Variants in BCL2 observed in about 807,000 individuals in gnomAD.
BCL2 encodes BCL2 apoptosis regulator, also known as apoptosis regulator Bcl-2.
A neutral mutation model predicts 14.2 loss-of-function variants in BCL2; 1 was observed. The ratio of observed to expected loss-of-function variants is 0.07; its 90% CI spans 0.02 to 0.33. BCL2 has a LOEUF of 0.33. Among genes scored for constraint, BCL2 ranks in the 10% least tolerant of loss-of-function variants. The pLI is 0.99. For missense variants in BCL2, 247 were observed against 305.9 expected, an observed-to-expected ratio of 0.81 and a Z score of 1.44; for synonymous variants, 151 against 137.2, an observed-to-expected ratio of 1.10 and a Z score of -0.70.
chr18:63,209,573 G>A (rs1006485575), intron 2 of BCL2, among the ~76,000 whole-genome samples: 1 of 152,144 alleles, frequency 6.6e-6, no homozygotes, highest in African/African-American at 2.4e-5. Context: ...AGTGGCGGAG[G>A]GAGAGGCAGA....
chr18:63,271,181 A>T lies in BCL2; in HGVS notation c.585+46901T>A, dbSNP rs141031215. On this transcript the variant is annotated intron_variant, in intron 2 of 2. Coordinates refer to ENST00000333681, the MANE Select transcript of BCL2 (RefSeq NM_000633.3). ...GGCCAAGATTGCTCTTTTTTAAAGC[A>T]AAAGAGATATATAGTTAAAGACATG... Among the ~76,000 whole-genome samples the T allele has an allele frequency of 4.9e-4, 74 of 152,336 alleles. No homozygotes were observed. In the East Asian group the frequency reaches 0.013, roughly 27 times the overall value.
intron 2 of BCL2, among the ~76,000 whole-genome samples, chr18:63,216,400 TA>T (rs35457535): frequency 0.11 from 15,347 of 134,832 alleles, 880 homozygotes; most frequent in South Asian, 0.18. Flanking sequence ...AAATGTTTTC[TA>T]AAAAAAAAAA....
chr18:63,212,326 T>C (rs931708497), intron 2 of BCL2, among the ~76,000 whole-genome samples: 28 of 151,150 alleles, frequency 1.9e-4, no homozygotes, highest in African/African-American at 6.8e-4. Context: ...AGACTCTGTC[T>C]CAAACAAACA....
chr18:63,228,741 G>T (rs1402248641), intron 2 of BCL2, among the ~76,000 whole-genome samples: 2 of 148,040 alleles, frequency 1.4e-5, no homozygotes, highest in African/African-American at 2.5e-5. Context: ...ACAGAATCTT[G>T]TTCTGCCGCC....
At chr18:63,300,074 G>A (rs914408317) in intron 2 of BCL2, among the ~76,000 whole-genome samples, 1 of 152,222 alleles carries the variant, frequency 6.6e-6, no homozygotes, top group Non-Finnish European at 1.5e-5. Context: ...AGGAGGCAGA[G>A]TTGAGGCTGC....
intron 2 of BCL2, among the ~76,000 whole-genome samples, chr18:63,288,905 G>T (rs867822754): frequency 6.6e-6 from 1 of 152,156 alleles, no homozygotes; most frequent in Non-Finnish European, 1.5e-5. Context: ...TTTAGGCAGG[G>T]ATCTTGTTTT....
chr18:63,266,433 G>A (rs1328063705), intron 2 of BCL2, among the ~76,000 whole-genome samples: 3 of 151,684 alleles, frequency 2.0e-5, no homozygotes, highest in Non-Finnish European at 4.4e-5. Context: ...CTGCTTTTGG[G>A]GAGAAGTGGG....
chr18:63,317,978 C>T (rs2144320448), intron 2 of BCL2, 104 bp downstream of exon 2: 3 of 1,497,224 alleles, frequency 2.0e-6, no homozygotes, highest in Non-Finnish European at 1.8e-6. Flanking sequence ...TTTTATTTCG[C>T]CGGCTCCACA....
Position 63,169,312 on chromosome 18 carries a change from C to CTTCTTTCCT in BCL2, c.586-40554_586-40553insAGGAAAGAA, listed in dbSNP as rs1568222490. On this transcript the variant is annotated intron_variant, in intron 2 of 2. Coordinates refer to ENST00000333681, the MANE Select transcript of BCL2 (RefSeq NM_000633.3). ...TCTTTCTTTCTTTCTTTCTTTCTTC[C>CTTCTTTCCT]TTCCTTCCTTCTTTCCTTTCCTTCC... Among the ~76,000 whole-genome samples the CTTCTTTCCT allele has an allele frequency of 2.9e-3, 122 of 42,366 alleles. 1 individual carries two copies. Among genetic ancestry groups the CTTCTTTCCT allele is most frequent in the Admixed American group, 4.7e-3 (19 of 4,036 alleles). The allele number at this position is 42,366 out of a possible 152,430, so 27.8% of individuals were successfully genotyped here.
chr18:63,287,476 G>A (rs764867593), intron 2 of BCL2, among the ~76,000 whole-genome samples: 1 of 152,156 alleles, frequency 6.6e-6, no homozygotes, highest in African/African-American at 2.4e-5. Context: ...AAGAGAAGTT[G>A]CCAGGGCTAA....
intron 2 of BCL2, among the ~76,000 whole-genome samples, chr18:63,156,103 A>AAAAT (rs1459426377): frequency 1.3e-5 from 2 of 151,604 alleles, no homozygotes; most frequent in African/African-American, 4.8e-5. Flanking sequence ...AAAAAAAAAA[A>AAAAT]AAAGGCTTGG....
At chr18:63,299,617 G>A (rs1200061413) in intron 2 of BCL2, among the ~76,000 whole-genome samples, 1 of 152,154 alleles carries the variant, frequency 6.6e-6, no homozygotes, top group Non-Finnish European at 1.5e-5. Context: ...GGGGCACATA[G>A]AGCCTTGGAG....
chr18:63,164,292 A>G (rs1031228195), intron 2 of BCL2, among the ~76,000 whole-genome samples: 15 of 152,180 alleles, frequency 9.9e-5, no homozygotes, highest in African/African-American at 3.6e-4. Flanking sequence ...ATCTTCCCAA[A>G]TCCTACTTTC....
intron 2 of BCL2, among the ~76,000 whole-genome samples, chr18:63,256,812 C>T (rs1325179337): frequency 2.6e-5 from 4 of 152,176 alleles, no homozygotes; most frequent in Non-Finnish European, 5.9e-5. Context: ...AATCAATCAA[C>T]CTAACCATCT....
intron 2 of BCL2, among the ~76,000 whole-genome samples, chr18:63,238,864 C>G (rs1386438302): frequency 6.6e-6 from 1 of 152,220 alleles, no homozygotes; most frequent in Non-Finnish European, 1.5e-5. Flanking sequence ...TTGTCTCTAC[C>G]TGGAGCATCC....
chr18:63,273,389 C>T (rs552355254), intron 2 of BCL2, among the ~76,000 whole-genome samples: 4 of 152,278 alleles, frequency 2.6e-5, no homozygotes, highest in South Asian at 2.1e-4. Flanking sequence ...TCCCTTCTAC[C>T]GGCTCCTTTG....
Position 63,289,493 on chromosome 18 carries a change from G to C in BCL2, c.585+28589C>G, listed in dbSNP as rs911694857. Among the ~76,000 whole-genome samples, 3 of 152,188 alleles carry C rather than the reference G, an allele frequency of 2.0e-5. No individual in the cohort carries two copies. In the East Asian group the frequency reaches 5.8e-4, roughly 29 times the overall value. On this transcript the variant is annotated intron_variant, in intron 2 of 2. Coordinates refer to ENST00000333681, the MANE Select transcript of BCL2 (RefSeq NM_000633.3). ...TTCAGAGCATAGCAATCTTGCTAAG[G>C]AGTAGCAGGGAATGATGAAGAAAAT...
At chr18:63,292,952 C>T (rs749791164) in intron 2 of BCL2, among the ~76,000 whole-genome samples, 1 of 152,248 alleles carries the variant, frequency 6.6e-6, no homozygotes, top group Non-Finnish European at 1.5e-5. Flanking sequence ...AGCGACGGCT[C>T]TCATGTCACA....
chr18:63,303,614 A>G (rs1913031325), intron 2 of BCL2, among the ~76,000 whole-genome samples: 2 of 152,188 alleles, frequency 1.3e-5, no homozygotes, highest in African/African-American at 4.8e-5. Context: ...GCCTCTTACC[A>G]GGCAAAGTCA....
Sources: allele counts gnomAD v4.1 joint callset (sites outside exome capture counted in the v4.1 genomes callset), GRCh38; gene constraint gnomAD v4.1.1; transcripts MANE v1.5; gene names NCBI Gene and HGNC (gene_info 2026-07-23, HGNC 2026-07-21).